Variants in DNAI4 observed in about 807,000 individuals in gnomAD.
The protein encoded by DNAI4 is dynein axonemal intermediate chain 4, also known as WD repeat domain 78.
In DNAI4, 85 loss-of-function variants were observed where a neutral mutation model predicts 105.8. That is an observed-to-expected ratio of 0.80 (90% confidence interval 0.67 to 0.96). The LOEUF (loss-of-function observed/expected upper bound fraction) is 0.96. Ranked by LOEUF, DNAI4 falls within the 40% of genes least tolerant of loss-of-function variation. The pLI is 0.00. For synonymous variants in DNAI4, 352 were observed against 331.5 expected, an observed-to-expected ratio of 1.06 and a Z score of -0.67; for missense variants, 1,014 against 1,005.6, an observed-to-expected ratio of 1.01 and a Z score of -0.11.
Position 66,890,799 on chromosome 1 carries a change from GGAA to G in DNAI4, c.643+352_643+354del. The G allele has an allele frequency of 3.4e-6, 1 of 293,314 alleles. No individual in the cohort carries two copies. The allele number at this position is 293,314 out of a possible 1,614,324, so 18.2% of individuals were successfully genotyped here. A position where few individuals can be genotyped will look rare whatever the true frequency, so the allele number is the denominator to read the frequency against. ...GAGGAAGAGGAGGAAGAAGAAGTGA[GGAA>G]GAAGAGGAAAAGAAGAGGAAAAGAG... On this transcript the variant is annotated intron_variant, in intron 4 of 16. Coordinates refer to ENST00000371026, the MANE Select transcript of DNAI4 (RefSeq NM_024763.5). The surrounding 1 kb of genome is among the most constrained non-coding windows in gnomAD (Gnocchi z 4.1).
At chr1:66,921,626 A>T (rs976953943) in intron 1 of DNAI4, among the ~76,000 whole-genome samples, 2 of 152,362 alleles carry the variant, frequency 1.3e-5, no homozygotes, top group Non-Finnish European at 2.9e-5. Flanking sequence ...TGAGAGTTGG[A>T]CAGTTTTTGT....
chr1:66,857,724 G>T (rs147603255), intron 7 of DNAI4, among the ~76,000 whole-genome samples: 4 of 151,920 alleles, frequency 2.6e-5, no homozygotes, highest in African/African-American at 9.7e-5. Context: ...AGTACAGACG[G>T]AGTTTCTCCG....
intron 1 of DNAI4, chr1:66,918,982 A>C (rs1468323496): frequency 3.0e-6 from 1 of 330,570 alleles, no homozygotes; most frequent in African/African-American, 2.1e-5. Flanking sequence ...GCTTATCAGA[A>C]ACTCAAAAGA....
chr1:66,895,556 C>A (rs1421590244), intron 2 of DNAI4, among the ~76,000 whole-genome samples: 2 of 152,148 alleles, frequency 1.3e-5, no homozygotes, highest in African/African-American at 2.4e-5. Flanking sequence ...TCAACGTTTT[C>A]TTTCTTCCTT....
chr1:66,896,254 A>AT (rs1454989527), intron 2 of DNAI4, among the ~76,000 whole-genome samples: 3 of 152,140 alleles, frequency 2.0e-5, no homozygotes, highest in Non-Finnish European at 4.4e-5. Flanking sequence ...GTAAAGTGTA[A>AT]TTTTTTAAAA....
chr1:66,862,791 C>T (rs983840959), intron 6 of DNAI4, among the ~76,000 whole-genome samples: 1 of 152,158 alleles, frequency 6.6e-6, no homozygotes, highest in Non-Finnish European at 1.5e-5. Context: ...TTCCCACTAC[C>T]CCACACCTCT....
At chr1:66,828,949 T>C (rs534968875) in intron 13 of DNAI4, among the ~76,000 whole-genome samples, 1 of 152,300 alleles carries the variant, frequency 6.6e-6, no homozygotes, top group Admixed American at 6.5e-5. Context: ...ATCTTCAAGG[T>C]CACTGTTGAA....
At chr1:66,894,486 G>A (rs1299110579) in intron 2 of DNAI4, among the ~76,000 whole-genome samples, 1 of 151,884 alleles carries the variant, frequency 6.6e-6, no homozygotes, top group Non-Finnish European at 1.5e-5. Context: ...TGATGAATAT[G>A]AGTTATTTTT....
chr1:66,854,635 C>T (rs915328725), intron 7 of DNAI4, among the ~76,000 whole-genome samples: 41 of 152,050 alleles, frequency 2.7e-4, no homozygotes, highest in African/African-American at 9.9e-4. Context: ...AACCCCGTCA[C>T]TATTAAGAAT....
chr1:66,821,905 T>C (rs1205184235), intron 16 of DNAI4, among the ~76,000 whole-genome samples: 1 of 152,150 alleles, frequency 6.6e-6, no homozygotes, highest in African/African-American at 2.4e-5. Context: ...ACACAAAACT[T>C]GGGTATTTGA....
At chr1:66,821,253 T>A (rs541529686) in intron 16 of DNAI4, among the ~76,000 whole-genome samples, 1 of 151,892 alleles carries the variant, frequency 6.6e-6, no homozygotes, top group East Asian at 1.9e-4. Context: ...CACCCGCCAC[T>A]ACACCCAGCT....
At chr1:66,849,746 A>C (rs762130374) in intron 7 of DNAI4, among the ~76,000 whole-genome samples, 9 of 152,202 alleles carry the variant, frequency 5.9e-5, no homozygotes, top group Non-Finnish European at 1.2e-4. Context: ...GAAAAACCAA[A>C]TGGAAATTTT....
intron 1 of DNAI4, among the ~76,000 whole-genome samples, chr1:66,909,258 C>A (rs1168063604): frequency 7.0e-6 from 1 of 141,978 alleles, no homozygotes. Context: ...TGGGAAAAAT[C>A]TCCTATTTAT....
intron 16 of DNAI4, among the ~76,000 whole-genome samples, chr1:66,821,116 TGAGTCAG>T (rs1645617203): frequency 1.2e-5 from 1 of 86,888 alleles, no homozygotes. Context: ...TTTTTTTTTT[TGAGTCAG>T]AAGTTTGCTC....
In DNAI4 at chr1:66,827,010, G is replaced by C. The variant is rs1483168712; in HGVS notation, c.2149C>G (p.His717Asp). The change falls in exon 15 of 17, where the codon CAT becomes GAT. Residue 717 changes from histidine to aspartate, a missense_variant. His to Asp is a moderately conservative substitution (Grantham distance 81). Transcript: ENST00000371026. ...VYKVTWNPFC[H>D]DVFLSCSADW... ...GCAGAACAGCTTAAAAATACATCATGACAAAATGGATTCCATGTCACTTTA... is the reference window on the plus strand; with the variant it reads ...GCAGAACAGCTTAAAAATACATCATCACAAAATGGATTCCATGTCACTTTA... 1 of 1,613,674 alleles carries C rather than the reference G, an allele frequency of 6.2e-7. No individual in the cohort carries two copies. The highest frequency in any genetic ancestry group is 1.1e-5 in the South Asian group (1 of 91,056).
At chr1:66,906,801 T>C (rs1649287717) in intron 1 of DNAI4, 2 of 152,240 alleles carry the variant, frequency 1.3e-5, no homozygotes, top group Admixed American at 1.3e-4. Flanking sequence ...ATCATTCATG[T>C]AAAAATTCCT....
intron 4 of DNAI4, among the ~76,000 whole-genome samples, chr1:66,884,532 G>T (rs1481061954): frequency 6.6e-6 from 1 of 152,008 alleles, no homozygotes; most frequent in African/African-American, 2.4e-5. Flanking sequence ...TTATTAATTT[G>T]CATATGTTGA....
At chr1:66,864,790 G>A (rs550251537) in intron 6 of DNAI4, among the ~76,000 whole-genome samples, 5 of 152,228 alleles carry the variant, frequency 3.3e-5, no homozygotes, top group South Asian at 4.1e-4. Context: ...GCAGTGAGCC[G>A]AGATCGTGCC....
chr1:66,857,827 C>A (rs1297588948), intron 7 of DNAI4, among the ~76,000 whole-genome samples: 1 of 152,154 alleles, frequency 6.6e-6, no homozygotes, highest in Admixed American at 6.5e-5. Flanking sequence ...CTCAGGTGAT[C>A]TGCCCACCTC....
Sources: gnomAD v4.1 joint callset for allele counts (sites outside exome capture counted in the v4.1 genomes callset) on GRCh38, gnomAD v4.1.1 for gene constraint, Gnocchi (gnomAD v3.1) non-coding constraint, MANE v1.5 for transcripts, NCBI Gene and HGNC (gene_info 2026-07-23, HGNC 2026-07-21) for gene names.